HGFAC: variants seen among roughly 807,000 people sequenced by gnomAD.
HGFAC encodes the protein HGF activator.
HGFAC carries 76 observed loss-of-function variants against 70.6 expected under a neutral mutation model. That is an observed-to-expected ratio of 1.08 (90% confidence interval 0.89 to 1.30). The LOEUF (loss-of-function observed/expected upper bound fraction) is 1.30, where lower values mean the gene tolerates loss of function less well. Ranked by LOEUF, HGFAC falls within the 50% of genes most tolerant of loss-of-function variation. The pLI is 0.00. For synonymous variants in HGFAC, 464 were observed against 405.3 expected (o/e 1.14, Z -1.74); for missense variants, 1,044 against 933.7 (o/e 1.12, Z -1.54).
chr4:3,442,203 C>A, intron 1 of HGFAC, 85 bp downstream of exon 1: 1 of 1,086,744 alleles, frequency 9.2e-7, no homozygotes, highest in Non-Finnish European at 1.3e-6. Context: ...GGAGGGTCGC[C>A]ACAGAGCGTG....
In HGFAC at chr4:3,445,364, G is replaced by C. The variant is rs374520099; in HGVS notation, c.1102+14G>C. On this transcript the variant is annotated intron_variant, in intron 9 of 13. Coordinates refer to ENST00000382774, the MANE Select transcript of HGFAC (RefSeq NM_001528.4). The stretch of plus-strand genomic sequence containing the variant: ...TGGAGGCCTGCGGTGCGCGGCTGGC[G>C]GGGGGTGCTGCCTTGGGCCCCACCG... 1.6e-5 allele frequency: 24 copies of C among 1,542,708 alleles called. No individual in the cohort carries two copies. Among genetic ancestry groups the C allele is most frequent in the African/African-American group, 4.1e-5 (3 of 73,024 alleles).
At position 3,445,369 on chromosome 4, in the gene HGFAC, G is replaced by C. The variant is rs1461470353; in HGVS notation, c.1102+19G>C. 6.5e-7 allele frequency: 1 copy of C among 1,539,078 alleles called. No individual in the cohort carries two copies. Among genetic ancestry groups the C allele is most frequent in the Non-Finnish European group, 8.8e-7 (1 of 1,135,364 alleles). On this transcript the variant is annotated intron_variant, in intron 9 of 13. Transcript: ENST00000382774. ...GCCTGCGGTGCGCGGCTGGCGGGGGGTGCTGCCTTGGGCCCCACCGAGGTC... is the reference window on the plus strand; with the variant it reads ...GCCTGCGGTGCGCGGCTGGCGGGGGCTGCTGCCTTGGGCCCCACCGAGGTC...
chr4:3,443,087 CCGCTACGGGGGCCGCATGCTGCATGCCTG>C lies in HGFAC; in HGVS notation c.338_366del (p.Arg113HisfsTer82). On this transcript the variant is annotated frameshift_variant, in exon 3 of 14. Transcript: ENST00000382774. LOFTEE classifies it high-confidence loss of function. ...ACGGGAGGCCCTGCAGGTTCCCCTT[CCGCTACGGGGGCCGCATGCTGCATGCCTG>C]CACTTCGGAGGGCAGTGCACACAGG... 6.3e-7 allele frequency: 1 copy of C among 1,599,080 alleles called. No homozygotes were observed.
In HGFAC at chr4:3,444,383, A is replaced by C; in HGVS notation, c.671A>C (p.His224Pro). 1 of 1,604,930 alleles carries C rather than the reference A, an allele frequency of 6.2e-7. No individual in the cohort carries two copies. The highest frequency in any genetic ancestry group is 8.5e-7 in the Non-Finnish European group (1 of 1,177,044). Residue 224 changes from histidine (H) to proline (P), a missense_variant, in exon 6 of 14, where the codon CAC becomes CCC. His to Pro is a moderately conservative substitution (Grantham distance 77, BLOSUM62 -2). Transcript: ENST00000382774. The part of the protein sequence containing the change: ...GDRWARVRQG[H>P]VEQCECFGGR... ...CGCTGGGCCCGCGTGCGCCAGGGCC[A>C]CGTGGAACAGTGCGAGTGCTTCGGG... is the stretch of plus-strand genomic sequence containing the variant.
chr4:3,449,264 G>A lies in HGFAC; in HGVS notation c.1813G>A (p.Glu605Lys), dbSNP rs764084718. 7.4e-6 allele frequency: 12 copies of A among 1,612,350 alleles called. No individual in the cohort carries two copies. The highest frequency in any genetic ancestry group is 2.7e-5 in the African/African-American group (2 of 75,018). The change falls in exon 14 of 14, where the codon GAG becomes AAG. Residue 605 changes from glutamate to lysine, a missense_variant. By Grantham distance (56) the Glu-to-Lys change is moderately conservative. Transcript: ENST00000382774. The part of the protein sequence containing the change: ...QGDSGGPLAC[E>K]KNGVAYLYGI... ...GGACTCAGGGGGGCCCCTGGCCTGC[G>A]AGAAGAACGGCGTGGCTTACCTCTA...
At chr4:3,448,630 CTTCAACCTTCAATAAG>C (rs1410410281) in intron 13 of HGFAC, among the ~76,000 whole-genome samples, 7 of 145,724 alleles carry the variant, frequency 4.8e-5, no homozygotes, top group African/African-American at 2.0e-4. Flanking sequence ...CAAGCCAGCT[CTTCAACCTTCAATAAG>C]TTCTTCAACC....
Position 3,443,034 on chromosome 4 carries a change from C to CA in HGFAC, c.299-15dup. 2 of 1,585,068 alleles carry CA rather than the reference C, an allele frequency of 1.3e-6. No homozygotes were observed. Among genetic ancestry groups the CA allele is most frequent in the Middle Eastern group, 3.6e-4 (2 of 5,530 alleles). ...CCCCTCGAGGGAGCCCTGACCCTGCCACCCCCTCCCCACAGCACTCACCGA... is the reference window on the plus strand; with the variant it reads ...CCCCTCGAGGGAGCCCTGACCCTGCCAACCCCCTCCCCACAGCACTCACCGA... On this transcript the variant is annotated splice_polypyrimidine_tract_variant and intron_variant, in intron 2 of 13. Transcript: ENST00000382774.
chr4:3,444,770 T>TGGG, intron 7 of HGFAC, 37 bp downstream of exon 7: 10 of 1,577,602 alleles, frequency 6.3e-6, no homozygotes, highest in Non-Finnish European at 8.6e-6. Flanking sequence ...CCTGGGGCAG[T>TGGG]GCCGGGTGGA....
At chr4:3,441,963 C>A, upstream of HGFAC, 5 of 1,236,266 alleles carry the variant, frequency 4.0e-6, no homozygotes, top group African/African-American at 1.6e-5. The surrounding 1 kb of genome is among the most constrained non-coding windows in gnomAD (Gnocchi z 6.0). Context: ...GGCCGCTCTG[C>A]TCCCGCCTCC....
At position 3,445,103 on chromosome 4, in the gene HGFAC, G is replaced by T. The variant is rs1725456920; in HGVS notation, c.1016+110G>T. 9.5e-6 allele frequency: 13 copies of T among 1,362,300 alleles called. No homozygotes were observed. In the South Asian group the frequency reaches 1.7e-4, roughly 18 times the overall value. The allele number at this position is 1,362,300 out of a possible 1,614,324, so 84.4% of individuals were successfully genotyped here. A position where few individuals can be genotyped will look rare whatever the true frequency, so the allele number is the denominator to read the frequency against. Reference sequence around the variant, plus strand: ...AGGCGGGGCCAGCTCCGTCCAGACAGGCCCCGGAACCTCTGCCTGGGAGGC... The same window carrying T: ...AGGCGGGGCCAGCTCCGTCCAGACATGCCCCGGAACCTCTGCCTGGGAGGC... On this transcript the variant is annotated intron_variant, in intron 8 of 13. Transcript: ENST00000382774.
chr4:3,445,087 C>T (rs998564160), intron 8 of HGFAC, 94 bp downstream of exon 8: 22 of 1,396,434 alleles, frequency 1.6e-5, no homozygotes, highest in Non-Finnish European at 2.0e-5. Flanking sequence ...CAGGCGGGGC[C>T]AGCTCCGTCC....
chr4:3,442,015 C>T lies in HGFAC; in HGVS notation c.14C>T (p.Ala5Val). Residue 5 changes from alanine to valine, a missense_variant, in exon 1 of 14, where the codon GCC becomes GTC. By Grantham distance (64) the Ala-to-Val change is moderately conservative. Transcript: ENST00000382774. MGRW[A>V]WVPSPWPPPG... ...AGCTCAGGAGCCATGGGGCGCTGGG[C>T]CTGGGTCCCCAGCCCCTGGCCCCCA... 6.6e-7 allele frequency: 1 copy of T among 1,506,836 alleles called. No individual in the cohort carries two copies. Among genetic ancestry groups the T allele is most frequent in the Non-Finnish European group, 8.7e-7 (1 of 1,143,532 alleles). The allele number at this position is 1,506,836 out of a possible 1,614,324, so 93.3% of individuals were successfully genotyped here.
Position 3,448,075 on chromosome 4 carries a change from G to A in HGFAC, c.1636+40G>A, listed in dbSNP as rs773591446. On this transcript the variant is annotated intron_variant, in intron 12 of 13. Transcript: ENST00000382774. ...GGGCGCCCAGCGCCCCGCCAGGGTG[G>A]ACAGTGGCCAGCCACAGTGTGGGTG... 1.1e-4 allele frequency: 176 copies of A among 1,559,762 alleles called. 1 individual carries two copies. The highest frequency in any genetic ancestry group is 1.5e-4 in the Non-Finnish European group (174 of 1,152,808).
rs973179683 is a variant in HGFAC at position 3,448,097 on chromosome 4, G to A, written c.1637-31G>A. 6.4e-6 allele frequency: 10 copies of A among 1,568,710 alleles called. No homozygotes were observed. The African/African-American group carries it at 1.2e-4, about 19-fold the overall frequency. ...GTGGACAGTGGCCAGCCACAGTGTG[G>A]GTGTCACGCTGAGGGCATTGTGTCC... On this transcript the variant is annotated intron_variant, in intron 12 of 13. Transcript: ENST00000382774.
In HGFAC at chr4:3,444,609, G is replaced by C. The variant is rs559830503; in HGVS notation, c.731-14G>C. The C allele has an allele frequency of 4.4e-6, 7 of 1,579,922 alleles. No individual in the cohort carries two copies. The South Asian group carries it at 4.6e-5, about 10-fold the overall frequency. On this transcript the variant is annotated splice_polypyrimidine_tract_variant and intron_variant, in intron 6 of 13. Transcript: ENST00000382774. Reference sequence around the variant, plus strand: ...TGCGCGGCCCCTGGCCCAGCTCCTCGGCCCTGCCCCCAGCTTGTCTGAGCA... The same window carrying C: ...TGCGCGGCCCCTGGCCCAGCTCCTCCGCCCTGCCCCCAGCTTGTCTGAGCA...
rs1725596641 is a variant in HGFAC at position 3,448,229 on chromosome 4, A to G, written c.1738A>G (p.Asn580Asp). Reference sequence around the variant, plus strand: ...GGTCTACGGCGCCGACATCAGCCCCAACATGCTCTGTGCCGGCTACTTCGA... The same window carrying G: ...GGTCTACGGCGCCGACATCAGCCCCGACATGCTCTGTGCCGGCTACTTCGA... ...PEVYGADISP[N>D]MLCAGYFDCK... The change falls in exon 13 of 14, where the codon AAC becomes GAC. Residue 580 changes from asparagine (N) to aspartate (D), a missense_variant. Asn to Asp is a conservative substitution (Grantham distance 23). Coordinates refer to ENST00000382774, the MANE Select transcript of HGFAC (RefSeq NM_001528.4). 1 of 1,609,086 alleles carries G rather than the reference A, an allele frequency of 6.2e-7. No homozygotes were observed. The highest frequency in any genetic ancestry group is 1.1e-5 in the South Asian group (1 of 90,566).
chr4:3,447,354 C>T, intron 10 of HGFAC, 138 bp from the exon 11 acceptor site: 1 of 866,982 alleles, frequency 1.2e-6, no homozygotes, highest in Non-Finnish European at 1.8e-6. Context: ...AGCCCACACC[C>T]AGGCACCTGC....
In HGFAC at chr4:3,444,993, G is replaced by A. The variant is rs751024138; in HGVS notation, c.1016G>A (p.Arg339Gln). The change falls in exon 8 of 14, where the codon CGG (arginine) becomes CAG (glutamine). Residue 339 changes from arginine to glutamine, a missense_variant and splice_region_variant. Transcript: ENST00000382774. ...GGCCTGGGCCCCCATGCCTACTGCC[G>A]GTCAGCACCACGCCGCTCCAGGCCG... ...LLGLGPHAYC[R>Q]NPDNDERPWC... 3.7e-5 allele frequency: 59 copies of A among 1,581,634 alleles called. No individual in the cohort carries two copies. The highest frequency in any genetic ancestry group is 1.4e-4 in the South Asian group (12 of 86,404).
At chr4:3,443,692 A>G (rs1725392490) in intron 4 of HGFAC, among the ~76,000 whole-genome samples, 1 of 152,114 alleles carries the variant, frequency 6.6e-6, no homozygotes, top group Non-Finnish European at 1.5e-5. Flanking sequence ...TGCCCCAGGC[A>G]GGGGACAGGT....
Sources: gnomAD v4.1 joint callset for allele counts (sites outside exome capture counted in the v4.1 genomes callset) on GRCh38, gnomAD v4.1.1 for gene constraint, Gnocchi (gnomAD v3.1) non-coding constraint, MANE v1.5 for transcripts, NCBI Gene and HGNC (gene_info 2026-07-23, HGNC 2026-07-21) for gene names.